SYNPR: variants seen among roughly 807,000 people sequenced by gnomAD.
The protein encoded by SYNPR is synaptoporin.
SYNPR carries 23 observed loss-of-function variants against 32.9 expected under a neutral mutation model. The observed-to-expected ratio is 0.70, with a 90% confidence interval of 0.50 to 0.99. The LOEUF (loss-of-function observed/expected upper bound fraction) is 0.99, where lower values mean the gene tolerates loss of function less well. SYNPR is among the 50% of genes least tolerant of loss of function. The pLI is 0.00. For missense variants in SYNPR, 318 were observed against 349.3 expected (o/e 0.91, Z 0.71); for synonymous variants, 146 against 135.9 (o/e 1.07, Z -0.52).
chr3:63,517,510 T>C (rs1054800930), intron 3 of SYNPR, among the ~76,000 whole-genome samples: 1 of 152,138 alleles, frequency 6.6e-6, no homozygotes, highest in African/African-American at 2.4e-5. Context: ...CCCTTTTTTA[T>C]TATAAAAAGT....
chr3:63,393,491 C>CTTTTTTTTTTTT (rs1482584312), intron 2 of SYNPR, among the ~76,000 whole-genome samples: 8 of 116,628 alleles, frequency 6.9e-5, no homozygotes, highest in African/African-American at 2.3e-4. Flanking sequence ...TTCTTTCTTT[C>CTTTTTTTTTTTT]TTCTCTTTTT....
intron 4 of SYNPR, among the ~76,000 whole-genome samples, chr3:63,581,268 C>T (rs1703086391): frequency 6.6e-6 from 1 of 152,080 alleles, no homozygotes. Context: ...GCGTTGAGAA[C>T]CATTACCTTG....
intron 2 of SYNPR, among the ~76,000 whole-genome samples, chr3:63,409,813 A>G (rs1343628369): frequency 1.3e-5 from 2 of 152,128 alleles, no homozygotes; most frequent in African/African-American, 2.4e-5. Context: ...GCACTGCTCT[A>G]CCCACCTGGA....
chr3:63,406,073 G>A (rs565294098), intron 2 of SYNPR, among the ~76,000 whole-genome samples: 2 of 152,136 alleles, frequency 1.3e-5, no homozygotes, highest in African/African-American at 2.4e-5. Flanking sequence ...CTACCAGAAG[G>A]TGGCAGAGCT....
chr3:63,283,965 C>T (rs1248995708), intron 2 of SYNPR, among the ~76,000 whole-genome samples: 4 of 151,894 alleles, frequency 2.6e-5, no homozygotes, highest in Non-Finnish European at 5.9e-5. Flanking sequence ...CCTGCCACCA[C>T]GCCTGGCTAA....
intron 3 of SYNPR, among the ~76,000 whole-genome samples, chr3:63,503,813 G>A (rs1173917029): frequency 6.6e-6 from 1 of 151,962 alleles, no homozygotes; most frequent in African/African-American, 2.4e-5. Flanking sequence ...AGAATTATAT[G>A]TATAATCTTA....
chr3:63,223,189 C>T, the SYNPR span, among the ~76,000 whole-genome samples: 1 of 151,906 alleles, frequency 6.6e-6, no homozygotes, highest in South Asian at 2.1e-4. Flanking sequence ...GTCACATTGC[C>T]CTGTTTAAAT....
intron 2 of SYNPR, chr3:63,423,682 G>T (rs766938824): frequency 6.6e-6 from 1 of 152,244 alleles, no homozygotes; most frequent in Non-Finnish European, 1.5e-5. Context: ...AGGAATCATT[G>T]GTTCTGGATG....
chr3:63,255,458 A>G (rs2086374090), intron 2 of SYNPR, among the ~76,000 whole-genome samples: 2 of 152,208 alleles, frequency 1.3e-5, no homozygotes, highest in Admixed American at 6.5e-5. Context: ...TACAAATTTT[A>G]TGTATGCTGT....
chr3:63,446,163 T>A (rs6804052), intron 2 of SYNPR, among the ~76,000 whole-genome samples: 8,827 of 152,190 alleles, frequency 0.058, 352 homozygotes, highest in Middle Eastern at 0.095. Context: ...CTTAGAAATA[T>A]CAATATCTCA....
At chr3:63,397,200 G>C (rs1343005323) in intron 2 of SYNPR, among the ~76,000 whole-genome samples, 2 of 152,076 alleles carry the variant, frequency 1.3e-5, no homozygotes, top group Non-Finnish European at 2.9e-5. Flanking sequence ...AGAAGAGAAA[G>C]TGCTGTATTG....
At chr3:63,385,862 C>T (rs1443423133) in intron 2 of SYNPR, among the ~76,000 whole-genome samples, 1 of 152,054 alleles carries the variant, frequency 6.6e-6, no homozygotes, top group African/African-American at 2.4e-5. Flanking sequence ...GCTGTGGACT[C>T]TATTGAGACA....
chr3:63,536,261 T>G (rs1320621939), intron 3 of SYNPR, among the ~76,000 whole-genome samples: 1 of 152,126 alleles, frequency 6.6e-6, no homozygotes, highest in Non-Finnish European at 1.5e-5. Context: ...GAAGAATTCT[T>G]ATAACTTAAC....
intron 2 of SYNPR, among the ~76,000 whole-genome samples, chr3:63,394,079 C>T (rs373629519): frequency 6.6e-6 from 1 of 152,072 alleles, no homozygotes; most frequent in Non-Finnish European, 1.5e-5. Flanking sequence ...TTTATTTTAG[C>T]CAATACTTCC....
intron 2 of SYNPR, among the ~76,000 whole-genome samples, chr3:63,375,398 A>T (rs894383256): frequency 6.6e-6 from 1 of 152,210 alleles, no homozygotes; most frequent in Non-Finnish European, 1.5e-5. Flanking sequence ...GCCACAAAAA[A>T]GGATGAGTTC....
intron 4 of SYNPR, among the ~76,000 whole-genome samples, chr3:63,592,835 T>C (rs554125813): frequency 6.6e-6 from 1 of 152,144 alleles, no homozygotes; most frequent in Non-Finnish European, 1.5e-5. Flanking sequence ...TCAAGACTAA[T>C]TAATAGAGTG....
At position 63,571,564 on chromosome 3, in the gene SYNPR, T is replaced by C. The variant is rs143715507; in HGVS notation, c.408+14823T>C. On this transcript the variant is annotated intron_variant, in intron 4 of 5. Coordinates refer to ENST00000478300, the MANE Select transcript of SYNPR (RefSeq NM_001130003.2). ...TTAAAGACTCAGTTATGAATTACCC[T>C]CAAAGAGAAGGAAGGAATTAGTAAT... is the stretch of plus-strand genomic sequence containing the variant. Among the ~76,000 whole-genome samples, 160 of 152,200 alleles carry C rather than the reference T, an allele frequency of 1.1e-3. 2 individuals carry two copies. In the East Asian group the frequency reaches 0.029, roughly 28 times the overall value.
intron 2 of SYNPR, among the ~76,000 whole-genome samples, chr3:63,288,757 G>T (rs1200699798): frequency 6.6e-6 from 1 of 152,130 alleles, no homozygotes; most frequent in Non-Finnish European, 1.5e-5. Flanking sequence ...TTTCTTGTGT[G>T]TAAGTGTTTA....
rs1254695440 is a variant in SYNPR, at chr3:63,476,863, C to T, written c.85-3969C>T. ...GTCTCCCATATCTAGCATTAAGCCC[C>T]ATGGTGGGTGGGAAACTTCCTTATC... On this transcript the variant is annotated intron_variant, in intron 2 of 5. Coordinates refer to ENST00000478300, the MANE Select transcript of SYNPR (RefSeq NM_001130003.2). 3.9e-5 allele frequency among the ~76,000 whole-genome samples: 6 copies of T among 152,132 alleles called. No individual in the cohort carries two copies. The South Asian group carries it at 1.2e-3, about 31-fold the overall frequency.
Sources: gnomAD v4.1 joint callset for allele counts (sites outside exome capture counted in the v4.1 genomes callset) on GRCh38, gnomAD v4.1.1 for gene constraint, MANE v1.5 for transcripts, NCBI Gene and HGNC (gene_info 2026-07-23, HGNC 2026-07-21) for gene names.